TMA7B: variants seen among roughly 807,000 people sequenced by gnomAD.
TMA7B encodes translation machinery-associated protein 7B.
chr22:39,964,771 C>A, the TMA7B span: 1,049 of 437,378 alleles, frequency 2.4e-3, 18 homozygotes, highest in East Asian at 0.027. Context: ...GTTGTTTTCA[C>A]TAAGTCATTC....
chr22:39,961,379 G>C, the TMA7B span, among the ~76,000 whole-genome samples: 605 of 152,260 alleles, frequency 4.0e-3, 1 homozygote, highest in African/African-American at 0.014. Flanking sequence ...ATCTCCTTTG[G>C]TTCGAAGCAC....
the TMA7B span, among the ~76,000 whole-genome samples, chr22:39,961,563 C>T: frequency 7.9e-5 from 12 of 152,318 alleles, no homozygotes; most frequent in South Asian, 2.5e-3. Flanking sequence ...CACTAAGGTG[C>T]AGCAACCCAT....
chr22:39,963,640 A>G, the TMA7B span, among the ~76,000 whole-genome samples: 3 of 152,312 alleles, frequency 2.0e-5, no homozygotes, highest in Non-Finnish European at 2.9e-5. Context: ...TCACCCAGCT[A>G]TGAGCAAATC....
the TMA7B span, chr22:39,964,643 A>G: frequency 1.6e-6 from 1 of 619,442 alleles, no homozygotes; most frequent in South Asian, 2.0e-5. Flanking sequence ...CCCTCCTATA[A>G]TATCTTTTGC....
chr22:39,962,230 C>G, the TMA7B span, among the ~76,000 whole-genome samples: 3 of 152,200 alleles, frequency 2.0e-5, no homozygotes, highest in East Asian at 5.8e-4. Flanking sequence ...TGGAGACCAG[C>G]CGGGGCAACT....
At chr22:39,962,948 C>T in the TMA7B span, among the ~76,000 whole-genome samples, 3 of 152,044 alleles carry the variant, frequency 2.0e-5, no homozygotes, top group Non-Finnish European at 2.9e-5. Flanking sequence ...GGATTACAGG[C>T]GCGACCCACT....
At chr22:39,964,680 C>T in the TMA7B span, 1 of 468,358 alleles carries the variant, frequency 2.1e-6, no homozygotes. Context: ...TAAGTGTCGT[C>T]TTGGAGCTGT....
chr22:39,962,719 G>A, the TMA7B span, among the ~76,000 whole-genome samples: 9 of 151,928 alleles, frequency 5.9e-5, no homozygotes, highest in East Asian at 3.9e-4. Context: ...GTGCAGTGGC[G>A]CAATCTCGGC....
At chr22:39,963,462 C>T in the TMA7B span, among the ~76,000 whole-genome samples, 1 of 152,268 alleles carries the variant, frequency 6.6e-6, no homozygotes, top group African/African-American at 2.4e-5. Flanking sequence ...TTTTCTCCTC[C>T]TCACCTGGAT....
chr22:39,964,504 A>C, the TMA7B span: 27 of 1,029,380 alleles, frequency 2.6e-5, no homozygotes, highest in Admixed American at 1.9e-4. Flanking sequence ...CGAGGTGCTA[A>C]AAGCGAAGGT....
the TMA7B span, among the ~76,000 whole-genome samples, chr22:39,962,385 A>G: frequency 3.3e-5 from 5 of 152,300 alleles, no homozygotes; most frequent in South Asian, 1.0e-3. Flanking sequence ...CGATCGCACC[A>G]CTGCACTCTA....
chr22:39,964,520 G>T, the TMA7B span: 1 of 930,820 alleles, frequency 1.1e-6, no homozygotes. Flanking sequence ...AAGGTCGTGG[G>T]GAAGGGGCCT....
the TMA7B span, among the ~76,000 whole-genome samples, chr22:39,962,231 C>T: frequency 2.6e-5 from 4 of 151,994 alleles, no homozygotes; most frequent in Admixed American, 6.6e-5. Flanking sequence ...GGAGACCAGC[C>T]GGGGCAACTA....
At chr22:39,964,328 G>A in the TMA7B span, 3 of 695,756 alleles carry the variant, frequency 4.3e-6, no homozygotes, top group Non-Finnish European at 7.8e-6. Flanking sequence ...TGATCTAAAA[G>A]AAGTTATCGT....
chr22:39,962,949 G>T, the TMA7B span, among the ~76,000 whole-genome samples: 1 of 151,998 alleles, frequency 6.6e-6, no homozygotes, highest in Non-Finnish European at 1.5e-5. Flanking sequence ...GATTACAGGC[G>T]CGACCCACTG....
chr22:39,964,712 TTG>T, the TMA7B span: 1 of 374,278 alleles, frequency 2.7e-6, no homozygotes, highest in South Asian at 7.1e-5. Flanking sequence ...GAATAAACTT[TTG>T]TAAAAAAAAA....
the TMA7B span, chr22:39,964,501 C>G: frequency 9.6e-7 from 1 of 1,036,468 alleles, no homozygotes; most frequent in African/African-American, 1.6e-5. Flanking sequence ...ACTCGAGGTG[C>G]TAAAAGCGAA....
chr22:39,961,405 G>A, the TMA7B span, among the ~76,000 whole-genome samples: 3 of 152,180 alleles, frequency 2.0e-5, no homozygotes, highest in Non-Finnish European at 4.4e-5. Flanking sequence ...ATGCCAAGGG[G>A]TGTCGTTTTC....
chr22:39,963,268 G>C, the TMA7B span, among the ~76,000 whole-genome samples: 1 of 152,112 alleles, frequency 6.6e-6, no homozygotes, highest in East Asian at 1.9e-4. Context: ...GCCCTGAGTC[G>C]CATCCTTTCC....
Sources: allele counts gnomAD v4.1 joint callset (sites outside exome capture counted in the v4.1 genomes callset), GRCh38; gene constraint gnomAD v4.1.1; transcripts MANE v1.5; gene names NCBI Gene and HGNC (gene_info 2026-07-23, HGNC 2026-07-21).